Variants in SOX5 observed in about 807,000 individuals in gnomAD.
The protein encoded by SOX5 is SRY-box transcription factor 5.
In SOX5, 9 loss-of-function variants were observed where a neutral mutation model predicts 92.0. The ratio of observed to expected loss-of-function variants is 0.10; its 90% confidence interval spans 0.06 to 0.17. The LOEUF is 0.17. Ranked by LOEUF, SOX5 falls within the 10% of genes least tolerant of loss-of-function variation. The pLI is 1.00. For synonymous variants in SOX5, 344 were observed against 336.3 expected, an observed-to-expected ratio of 1.02 and a Z score of -0.25; for missense variants, 642 against 944.5, an observed-to-expected ratio of 0.68 and a Z score of 4.20.
At chr12:23,730,276 C>T (rs1245940951) in intron 6 of SOX5, among the ~76,000 whole-genome samples, 2 of 152,114 alleles carry the variant, frequency 1.3e-5, no homozygotes, top group East Asian at 1.9e-4. Flanking sequence ...AAAATATTTA[C>T]AAATTTCATC....
intron 2 of SOX5, among the ~76,000 whole-genome samples, chr12:24,356,827 A>G (rs1231409445): frequency 1.3e-5 from 2 of 152,186 alleles, no homozygotes; most frequent in Non-Finnish European, 2.9e-5. Flanking sequence ...AGGATTTCCA[A>G]TTACTTGGAC....
At chr12:24,245,704 T>C (rs1311872797) in intron 3 of SOX5, among the ~76,000 whole-genome samples, 1 of 152,156 alleles carries the variant, frequency 6.6e-6, no homozygotes, top group Non-Finnish European at 1.5e-5. Flanking sequence ...ATTAGCTAAT[T>C]TTTAACAAGG....
chr12:24,330,132 AAACATACCTTC>A (rs1325600042), intron 2 of SOX5, among the ~76,000 whole-genome samples: 11 of 152,284 alleles, frequency 7.2e-5, no homozygotes, highest in African/African-American at 2.6e-4. Context: ...AAAATAAGAA[AAACATACCTTC>A]AACAAAAAAG....
intron 11 of SOX5, among the ~76,000 whole-genome samples, chr12:23,561,747 C>A (rs1238933057): frequency 6.7e-6 from 1 of 149,038 alleles, no homozygotes; most frequent in Admixed American, 6.7e-5. Context: ...TGTCACTTGA[C>A]AATTCCCAGC....
In SOX5 at chr12:24,516,192, G is replaced by A. The variant is rs560247874; in HGVS notation, c.-251+46137C>T. On this transcript the variant is annotated intron_variant, in intron 1 of 4. Coordinates refer to the SOX5 transcript ENST00000446891. ...CGGGTACTTAGGACTACAAGCATGCGCCACCATGCCTGGCTAATTTTTAAA... is the reference window on the plus strand; with the variant it reads ...CGGGTACTTAGGACTACAAGCATGCACCACCATGCCTGGCTAATTTTTAAA... Among the ~76,000 whole-genome samples, 44 of 151,888 alleles carry A rather than the reference G, an allele frequency of 2.9e-4. 1 individual carries two copies. The highest frequency in any genetic ancestry group is 2.4e-3 in the Admixed American group (36 of 15,252).
At chr12:24,098,071 G>A (rs916527637) in intron 4 of SOX5, among the ~76,000 whole-genome samples, 17 of 152,002 alleles carry the variant, frequency 1.1e-4, no homozygotes, top group African/African-American at 4.1e-4. Context: ...CACTAGAGTG[G>A]TGTGATGCTT....
chr12:23,592,104 C>T (rs1951651010), intron 9 of SOX5, among the ~76,000 whole-genome samples: 1 of 152,090 alleles, frequency 6.6e-6, no homozygotes, highest in Admixed American at 6.6e-5. Flanking sequence ...TGGCAACTGG[C>T]CTTGCAAAGC....
At chr12:24,533,406 A>G (rs1208951392) in intron 1 of SOX5, among the ~76,000 whole-genome samples, 1 of 152,218 alleles carries the variant, frequency 6.6e-6, no homozygotes, top group Non-Finnish European at 1.5e-5. Flanking sequence ...TACCCTGAAG[A>G]TCTTTAATTG....
intron 1 of SOX5, among the ~76,000 whole-genome samples, chr12:24,442,714 C>T (rs1390500555): frequency 1.3e-5 from 2 of 152,104 alleles, no homozygotes; most frequent in Non-Finnish European, 2.9e-5. Context: ...ATTAGACAAA[C>T]ATCAAAGAAG....
intron 1 of SOX5, among the ~76,000 whole-genome samples, chr12:24,500,891 A>T (rs1173534355): frequency 1.3e-5 from 2 of 152,214 alleles, no homozygotes; most frequent in African/African-American, 4.8e-5. Context: ...GAAACAGAAA[A>T]GTTGGTTATC....
chr12:24,356,396 T>C lies in SOX5; in HGVS notation c.-174+12167A>G, dbSNP rs549844331. On this transcript the variant is annotated intron_variant, in intron 2 of 4. Coordinates refer to the SOX5 transcript ENST00000446891. ...CATGCAAATGCTTTTCTGGTTTCTT[T>C]CTTTGCAGATTCCATAGCACCTTTG... Among the ~76,000 whole-genome samples the C allele has an allele frequency of 1.6e-4, 24 of 152,320 alleles. No individual in the cohort carries two copies. In the East Asian group the frequency reaches 4.6e-3, roughly 29 times the overall value.
At chr12:24,436,724 TGAAGAAGATGCCATCTAG>T (rs1343097061) in intron 1 of SOX5, among the ~76,000 whole-genome samples, 3 of 152,202 alleles carry the variant, frequency 2.0e-5, no homozygotes, top group Non-Finnish European at 4.4e-5. Context: ...GCCTTATATT[TGAAGAAGATGCCATCTAG>T]GACTTTCACA....
chr12:23,566,168 T>C (rs1041057365), intron 10 of SOX5, among the ~76,000 whole-genome samples: 7 of 152,226 alleles, frequency 4.6e-5, no homozygotes, highest in Admixed American at 2.6e-4. Context: ...CCACCATCTC[T>C]ACCACCTCAA....
At chr12:24,542,817 T>C (rs1175346217) in intron 1 of SOX5, among the ~76,000 whole-genome samples, 2 of 152,234 alleles carry the variant, frequency 1.3e-5, no homozygotes, top group African/African-American at 4.8e-5. Context: ...GAAAATGTTT[T>C]AAAACTAGAA....
intron 1 of SOX5, among the ~76,000 whole-genome samples, chr12:24,431,947 A>C (rs1320941486): frequency 1.3e-5 from 2 of 152,120 alleles, no homozygotes; most frequent in Non-Finnish European, 2.9e-5. Context: ...CATTTTAGGG[A>C]GTTTTCCTAA....
chr12:23,974,177 T>C (rs148961230), intron 4 of SOX5, among the ~76,000 whole-genome samples: 66 of 152,288 alleles, frequency 4.3e-4, no homozygotes, highest in African/African-American at 1.5e-3. Flanking sequence ...CTAAATATCC[T>C]GTAAAATACT....
intron 6 of SOX5, among the ~76,000 whole-genome samples, chr12:23,727,305 T>C (rs574500010): frequency 6.6e-6 from 1 of 152,268 alleles, no homozygotes; most frequent in Non-Finnish European, 1.5e-5. Flanking sequence ...ATAGAGTAGT[T>C]AAAAATCCTA....
chr12:24,409,057 A>G (rs1963568976), intron 1 of SOX5, among the ~76,000 whole-genome samples: 1 of 152,228 alleles, frequency 6.6e-6, no homozygotes. Context: ...TTACAATAGC[A>G]AAGACAGGGA....
chr12:24,151,413 T>G (rs954587601), intron 4 of SOX5, among the ~76,000 whole-genome samples: 2 of 152,158 alleles, frequency 1.3e-5, no homozygotes, highest in African/African-American at 2.4e-5. Flanking sequence ...AATGAGACAG[T>G]GTATCATCTA....
Sources: allele counts gnomAD v4.1 joint callset (sites outside exome capture counted in the v4.1 genomes callset), GRCh38; gene constraint gnomAD v4.1.1; transcripts MANE v1.5; gene names NCBI Gene and HGNC (gene_info 2026-07-23, HGNC 2026-07-21).